SAMD12: variants seen among roughly 807,000 people sequenced by gnomAD.
The protein encoded by SAMD12 is sterile alpha motif domain containing 12.
In SAMD12, 9 loss-of-function variants were observed where a neutral mutation model predicts 15.0. The ratio of observed to expected loss-of-function variants is 0.60; its 90% confidence interval spans 0.36 to 1.05. SAMD12 has a LOEUF of 1.05. Ranked by LOEUF, SAMD12 falls within the 50% of genes least tolerant of loss-of-function variation. SAMD12 has a pLI of 0.01. For missense variants in SAMD12, 230 were observed against 234.2 expected (o/e 0.98, Z 0.12); for synonymous variants, 86 against 90.1 (o/e 0.96, Z 0.25).
chr8:118,483,226 G>T (rs1279716618), intron 2 of SAMD12, among the ~76,000 whole-genome samples: 1 of 152,184 alleles, frequency 6.6e-6, no homozygotes, highest in Non-Finnish European at 1.5e-5. Flanking sequence ...CAATAACTGG[G>T]AGTGTTCGAG....
chr8:118,163,689 C>A, the SAMD12 span, among the ~76,000 whole-genome samples: 19 of 152,002 alleles, frequency 1.2e-4, no homozygotes, highest in Admixed American at 8.5e-4. Context: ...TCCTGGCTAA[C>A]ACGGTGAAAC....
At chr8:118,596,381 C>T (rs1827724993) in intron 1 of SAMD12, among the ~76,000 whole-genome samples, 1 of 152,180 alleles carries the variant, frequency 6.6e-6, no homozygotes, top group Admixed American at 6.5e-5. Flanking sequence ...GTAGCAGAGG[C>T]AGGATCTGAA....
intron 3 of SAMD12, among the ~76,000 whole-genome samples, chr8:118,429,848 C>T (rs535753000): frequency 2.0e-5 from 3 of 152,128 alleles, no homozygotes; most frequent in South Asian, 2.1e-4. Context: ...GAGCCAAGAT[C>T]GTGTCACTGC....
chr8:118,359,571 A>G (rs1221746286), intron 4 of SAMD12, among the ~76,000 whole-genome samples: 1 of 152,204 alleles, frequency 6.6e-6, no homozygotes, highest in Non-Finnish European at 1.5e-5. Flanking sequence ...CGAACGTAGC[A>G]TGGTATCTAA....
intron 2 of SAMD12, among the ~76,000 whole-genome samples, chr8:118,531,790 T>C (rs966979131): frequency 6.6e-6 from 1 of 152,230 alleles, no homozygotes; most frequent in African/African-American, 2.4e-5. Flanking sequence ...ATCCTGAGAC[T>C]TTGCTGAAGT....
chr8:118,299,360 C>T (rs1192559867), intron 4 of SAMD12, among the ~76,000 whole-genome samples: 2 of 152,064 alleles, frequency 1.3e-5, no homozygotes, highest in Admixed American at 6.6e-5. Context: ...GTAGTACTCG[C>T]TATAGGGTTA....
At chr8:118,288,227 C>G (rs1285087344) in intron 4 of SAMD12, 1 of 151,904 alleles carries the variant, frequency 6.6e-6, no homozygotes, top group Non-Finnish European at 1.5e-5. Context: ...ATTTATTATC[C>G]CCATTTTACA....
At chr8:118,212,404 C>T (rs1429495237) in intron 4 of SAMD12, among the ~76,000 whole-genome samples, 3 of 152,132 alleles carry the variant, frequency 2.0e-5, no homozygotes, top group African/African-American at 7.2e-5. Flanking sequence ...TAATTATTAG[C>T]CTTTTGTGGC....
chr8:118,470,279 T>G (rs926717779), intron 2 of SAMD12, among the ~76,000 whole-genome samples: 1 of 151,956 alleles, frequency 6.6e-6, no homozygotes, highest in Non-Finnish European at 1.5e-5. Context: ...AGGTTTATGT[T>G]CATGTATTAC....
chr8:118,339,636 C>T (rs924698735), intron 4 of SAMD12, among the ~76,000 whole-genome samples: 1 of 152,210 alleles, frequency 6.6e-6, no homozygotes, highest in African/African-American at 2.4e-5. Context: ...TGGAATGATG[C>T]GGCAGTGATT....
chr8:118,614,265 C>G (rs1828182505), intron 1 of SAMD12, among the ~76,000 whole-genome samples: 1 of 152,210 alleles, frequency 6.6e-6, no homozygotes, highest in Non-Finnish European at 1.5e-5. Context: ...GTCTTAAGAG[C>G]TTCCCTTATA....
chr8:118,476,153 C>G (rs565401679), intron 2 of SAMD12, among the ~76,000 whole-genome samples: 1 of 152,180 alleles, frequency 6.6e-6, no homozygotes, highest in African/African-American at 2.4e-5. Flanking sequence ...ACTTCCTGAC[C>G]TGAATGAAAA....
intron 4 of SAMD12, among the ~76,000 whole-genome samples, chr8:118,354,285 C>T (rs569951588): frequency 1.3e-5 from 2 of 152,276 alleles, no homozygotes; most frequent in South Asian, 2.1e-4. Flanking sequence ...TAGTAAAATA[C>T]AACAAACATG....
intron 4 of SAMD12, among the ~76,000 whole-genome samples, chr8:118,333,877 T>TGC (rs373693856): frequency 9.1e-5 from 13 of 143,370 alleles, no homozygotes; most frequent in African/African-American, 2.9e-4. Context: ...TGTGTGTGTG[T>TGC]GCGTTGGTGG....
At chr8:118,555,638 A>T (rs1287186019) in intron 2 of SAMD12, among the ~76,000 whole-genome samples, 2 of 152,190 alleles carry the variant, frequency 1.3e-5, no homozygotes, top group African/African-American at 2.4e-5. Context: ...CATATCATAA[A>T]ATTTAAATAA....
At chr8:118,519,109 C>T (rs1825322486) in intron 2 of SAMD12, among the ~76,000 whole-genome samples, 1 of 152,162 alleles carries the variant, frequency 6.6e-6, no homozygotes, top group Non-Finnish European at 1.5e-5. Flanking sequence ...ACAAGCAAGC[C>T]TTGTGGGAAT....
At chr8:118,439,221 T>C (rs563072399) in intron 3 of SAMD12, among the ~76,000 whole-genome samples, 10 of 152,200 alleles carry the variant, frequency 6.6e-5, no homozygotes, top group Non-Finnish European at 1.5e-4. Context: ...TATCTGTGCC[T>C]TGAAACTATT....
intron 2 of SAMD12, among the ~76,000 whole-genome samples, chr8:118,452,129 C>T (rs930943550): frequency 4.0e-5 from 6 of 149,926 alleles, no homozygotes; most frequent in South Asian, 2.1e-4. Context: ...AAAGAGGACA[C>T]GATGAGACCC....
In SAMD12 at chr8:118,602,913, G is replaced by C. The variant is rs146931473; in HGVS notation, c.13+18891C>G. ...AATTAGGAAGAAAGAACTATGAAGA[G>C]AGGAGTACACTAAGAAAATAAAAAT... On this transcript the variant is annotated intron_variant, in intron 1 of 3. Coordinates refer to ENST00000314727, the MANE Select transcript of SAMD12 (RefSeq NM_207506.3). Among the ~76,000 whole-genome samples the C allele has an allele frequency of 3.6e-4, 55 of 152,210 alleles. No individual in the cohort carries two copies. The East Asian group carries it at 0.01, about 29-fold the overall frequency.
Sources: gnomAD v4.1 joint callset for allele counts (sites outside exome capture counted in the v4.1 genomes callset) on GRCh38, gnomAD v4.1.1 for gene constraint, MANE v1.5 for transcripts, NCBI Gene and HGNC (gene_info 2026-07-23, HGNC 2026-07-21) for gene names.